Variants in TUSC3 observed in about 807,000 individuals in gnomAD.
TUSC3 encodes tumor suppressor candidate 3.
TUSC3 carries 45 observed loss-of-function variants against 44.8 expected under a neutral mutation model. The observed-to-expected ratio is 1.00, with a 90% CI of 0.79 to 1.29. The LOEUF (loss-of-function observed/expected upper bound fraction) is 1.29. Ranked by LOEUF, TUSC3 falls within the 50% of genes most tolerant of loss-of-function variation. The pLI, the probability that TUSC3 is intolerant of heterozygous loss-of-function variation, is 0.00. For synonymous variants in TUSC3, 212 were observed against 152.9 expected (o/e 1.39, Z -2.85); for missense variants, 519 against 437.9 (o/e 1.19, Z -1.65).
At chr8:15,770,303 C>T (rs1331263227), downstream of TUSC3, among the ~76,000 whole-genome samples, 1 of 152,092 alleles carries the variant, frequency 6.6e-6, no homozygotes, top group Non-Finnish European at 1.5e-5. Context: ...CAAACTAACA[C>T]AGGAACAGAA....
chr8:15,626,982 G>T (rs1276014123), intron 2 of TUSC3, among the ~76,000 whole-genome samples: 2 of 66 alleles, frequency 0.03, no homozygotes, highest in Non-Finnish European at 0.059. Context: ...CTGAAGCCTG[G>T]GGGGCTGGGC....
Position 15,676,294 on chromosome 8 carries a change from A to G in TUSC3, c.798+2458A>G, listed in dbSNP as rs144574666. Reference sequence around the variant, plus strand: ...GTCTTCTTTTCAGAAGTGTCTGTTCATGTCTTTGCCTGCTTTTTAATGGGG... The same window carrying G: ...GTCTTCTTTTCAGAAGTGTCTGTTCGTGTCTTTGCCTGCTTTTTAATGGGG... On this transcript the variant is annotated intron_variant, in intron 6 of 10. Coordinates refer to ENST00000503731, the MANE Select transcript of TUSC3 (RefSeq NM_006765.4). 2.5e-3 allele frequency among the ~76,000 whole-genome samples: 382 copies of G among 152,206 alleles called. 1 individual carries two copies. Among genetic ancestry groups the G allele is most frequent in the African/African-American group, 8.8e-3 (365 of 41,552 alleles).
chr8:15,506,570 C>T (rs899342347), intron 2 of TUSC3, among the ~76,000 whole-genome samples: 2 of 152,132 alleles, frequency 1.3e-5, no homozygotes, highest in South Asian at 4.1e-4. Context: ...GGAGGCCTCA[C>T]AATCATGGCA....
intron 2 of TUSC3, among the ~76,000 whole-genome samples, chr8:15,633,916 C>T (rs1805940896): frequency 6.6e-6 from 1 of 152,134 alleles, no homozygotes; most frequent in African/African-American, 2.4e-5. Context: ...CTGGATGATT[C>T]TCACCATAAA....
At chr8:15,563,257 A>G (rs577008327) in intron 1 of TUSC3, among the ~76,000 whole-genome samples, 2 of 152,112 alleles carry the variant, frequency 1.3e-5, no homozygotes, top group South Asian at 4.2e-4. Flanking sequence ...TCAGTCACAG[A>G]TGCAGGACCA....
At chr8:15,516,871 A>T (rs1801222964) in intron 2 of TUSC3, among the ~76,000 whole-genome samples, 1 of 152,230 alleles carries the variant, frequency 6.6e-6, no homozygotes, top group Non-Finnish European at 1.5e-5. Context: ...TAGTATAAAT[A>T]TTAGAATGTT....
chr8:15,701,382 T>A (rs1404868135), intron 6 of TUSC3, among the ~76,000 whole-genome samples: 1 of 152,142 alleles, frequency 6.6e-6, no homozygotes, highest in African/African-American at 2.4e-5. Context: ...ACTTAACATA[T>A]TTTTGAAATT....
upstream of TUSC3, among the ~76,000 whole-genome samples, chr8:15,536,846 G>A (rs1049914803): frequency 6.6e-6 from 1 of 151,836 alleles, no homozygotes; most frequent in African/African-American, 2.4e-5. Context: ...AGGTGTCTGG[G>A]GAGTCATGCC....
chr8:15,638,164 C>T (rs914148146), intron 2 of TUSC3, among the ~76,000 whole-genome samples: 4 of 152,066 alleles, frequency 2.6e-5, no homozygotes, highest in South Asian at 2.1e-4. Flanking sequence ...TTCCCACCCC[C>T]GCCGCCCCCC....
intron 9 of TUSC3, among the ~76,000 whole-genome samples, chr8:15,750,559 T>C (rs1811654066): frequency 6.6e-6 from 1 of 152,124 alleles, no homozygotes; most frequent in African/African-American, 2.4e-5. Context: ...AGTTGTCATT[T>C]AGTATAATAA....
intron 2 of TUSC3, among the ~76,000 whole-genome samples, chr8:15,487,119 G>C (rs1301241542): frequency 1.3e-5 from 2 of 152,100 alleles, no homozygotes; most frequent in Non-Finnish European, 2.9e-5. Context: ...TATTAAATTT[G>C]AGGAATATTT....
chr8:15,633,654 G>T (rs1805922582), intron 2 of TUSC3, among the ~76,000 whole-genome samples: 1 of 152,122 alleles, frequency 6.6e-6, no homozygotes, highest in Non-Finnish European at 1.5e-5. Flanking sequence ...TTTGATGGCA[G>T]AGGTGGGGAA....
At chr8:15,551,550 C>G (rs1487303519) in intron 1 of TUSC3, among the ~76,000 whole-genome samples, 1 of 151,684 alleles carries the variant, frequency 6.6e-6, no homozygotes, top group Non-Finnish European at 1.5e-5. Context: ...TAAATTTACA[C>G]TCATTATTTT....
the TUSC3 span, among the ~76,000 whole-genome samples, chr8:15,831,487 G>C: frequency 6.6e-6 from 1 of 152,006 alleles, no homozygotes; most frequent in African/African-American, 2.4e-5. Context: ...CCAGAATATG[G>C]ATAGAAAAAA....
At chr8:15,681,128 AT>A (rs34790529) in intron 6 of TUSC3, among the ~76,000 whole-genome samples, 29,861 of 133,512 alleles carry the variant, frequency 0.22, 3,776 homozygotes, top group Non-Finnish European at 0.32. Context: ...TTCATCCTTG[AT>A]TTTTTTTTTT....
intron 2 of TUSC3, among the ~76,000 whole-genome samples, chr8:15,625,720 C>T (rs1050632703): frequency 6.6e-6 from 1 of 152,156 alleles, no homozygotes; most frequent in African/African-American, 2.4e-5. Flanking sequence ...ATCAGTTTTA[C>T]TCAGGTTAGG....
At chr8:15,634,206 T>C (rs1805959536) in intron 2 of TUSC3, among the ~76,000 whole-genome samples, 1 of 152,176 alleles carries the variant, frequency 6.6e-6, no homozygotes, top group African/African-American at 2.4e-5. Context: ...TTGCTTACAA[T>C]TATTGAGGTC....
At chr8:15,606,115 A>G (rs1282593672) in intron 1 of TUSC3, among the ~76,000 whole-genome samples, 1 of 152,058 alleles carries the variant, frequency 6.6e-6, no homozygotes, top group African/African-American at 2.4e-5. Context: ...GCTCCCAAGA[A>G]GCAGACAAGC....
the TUSC3 span, among the ~76,000 whole-genome samples, chr8:15,774,444 G>T: frequency 1.3e-5 from 2 of 152,050 alleles, no homozygotes; most frequent in Non-Finnish European, 2.9e-5. Flanking sequence ...TGGATGATTC[G>T]CCTGACTACA....
Sources: gnomAD v4.1 joint callset for allele counts (sites outside exome capture counted in the v4.1 genomes callset) on GRCh38, gnomAD v4.1.1 for gene constraint, MANE v1.5 for transcripts, NCBI Gene and HGNC (gene_info 2026-07-23, HGNC 2026-07-21) for gene names.